Variants in CSMD1 observed in about 807,000 individuals in gnomAD.
CSMD1 encodes the protein CUB and sushi domain-containing protein 1.
A neutral mutation model predicts 417.5 loss-of-function variants in CSMD1; 213 were observed. The ratio of observed to expected loss-of-function variants is 0.51; its 90% CI spans 0.46 to 0.57. The LOEUF (loss-of-function observed/expected upper bound fraction) is 0.57, where lower values mean the gene tolerates loss of function less well. Among genes scored for constraint, CSMD1 ranks in the 20% least tolerant of loss-of-function variants. CSMD1 has a pLI of 0.00. For missense variants in CSMD1, 6,923 were observed against 4,529.7 expected (o/e 1.53, Z -15.17); for synonymous variants, 2,862 against 1,736.8 (o/e 1.65, Z -16.11).
chr8:4,226,350 T>G (rs576091147), intron 3 of CSMD1, among the ~76,000 whole-genome samples: 34 of 152,340 alleles, frequency 2.2e-4, no homozygotes, highest in African/African-American at 8.2e-4. Context: ...AAAAATGTAT[T>G]TATCTGACAT....
chr8:3,859,352 T>G (rs1391463525), intron 5 of CSMD1, among the ~76,000 whole-genome samples: 1 of 152,216 alleles, frequency 6.6e-6, no homozygotes, highest in Non-Finnish European at 1.5e-5. Context: ...CTCCATAATA[T>G]TTTAGGTCCA....
At chr8:4,378,334 G>C (rs1802884885) in intron 3 of CSMD1, among the ~76,000 whole-genome samples, 1 of 152,158 alleles carries the variant, frequency 6.6e-6, no homozygotes, top group African/African-American at 2.4e-5. Flanking sequence ...TTTGAACTTT[G>C]ACATTTAATG....
intron 5 of CSMD1, among the ~76,000 whole-genome samples, chr8:3,979,216 T>C (rs12677260): frequency 0.33 from 50,267 of 152,066 alleles, 9,189 homozygotes; most frequent in African/African-American, 0.48. Flanking sequence ...CTCAATAATG[T>C]ATAGGAAGTT....
chr8:4,054,452 A>G (rs760337974), intron 3 of CSMD1, among the ~76,000 whole-genome samples: 1 of 152,016 alleles, frequency 6.6e-6, no homozygotes, highest in African/African-American at 2.4e-5. Flanking sequence ...AGAGAAGCAA[A>G]CTTCTTCTTA....
intron 5 of CSMD1, among the ~76,000 whole-genome samples, chr8:3,785,953 G>C (rs779644075): frequency 3.9e-5 from 6 of 152,194 alleles, no homozygotes; most frequent in Non-Finnish European, 8.8e-5. Context: ...CAGACAATTG[G>C]GTTAGAAGCT....
At chr8:4,212,311 C>G (rs1483258259) in intron 3 of CSMD1, among the ~76,000 whole-genome samples, 1 of 151,940 alleles carries the variant, frequency 6.6e-6, no homozygotes, top group Non-Finnish European at 1.5e-5. Context: ...ATACCTACCA[C>G]CCAAATATGT....
intron 39 of CSMD1, among the ~76,000 whole-genome samples, chr8:3,157,072 G>C (rs781244735): frequency 6.6e-6 from 1 of 151,634 alleles, no homozygotes; most frequent in Non-Finnish European, 1.5e-5. Flanking sequence ...TAGGTTTGGA[G>C]AAGCCGATCA....
Position 4,964,502 on chromosome 8 carries a change from C to CAAAA in CSMD1, c.85+29826_85+29829dup, listed in dbSNP as rs10622416. On this transcript the variant is annotated intron_variant, in intron 1 of 69. Coordinates refer to ENST00000635120, the MANE Select transcript of CSMD1 (RefSeq NM_033225.6). ...TCACAACACAGCAAGACCCTGTCTC[C>CAAAA]AAAAAAAAAAAAAAAAAAAAAAAGG... Among the ~76,000 whole-genome samples, 551 of 105,840 alleles carry CAAAA rather than the reference C, an allele frequency of 5.2e-3. 12 individuals carry two copies. Among genetic ancestry groups the CAAAA allele is most frequent in the African/African-American group, 0.02 (517 of 26,184 alleles). 69.4% of individuals were successfully genotyped at this position (105,840 alleles called of 152,430 possible).
chr8:3,641,681 C>A (rs1215276340), intron 7 of CSMD1, among the ~76,000 whole-genome samples: 1 of 152,174 alleles, frequency 6.6e-6, no homozygotes, highest in Admixed American at 6.5e-5. Context: ...TTTGCCCCAA[C>A]AGAGGGGGCC....
chr8:4,426,334 T>C (rs1051957752), intron 2 of CSMD1, among the ~76,000 whole-genome samples: 21 of 150,854 alleles, frequency 1.4e-4, no homozygotes, highest in African/African-American at 4.8e-4. Context: ...AATTATGTAG[T>C]ATATAGCATA....
intron 3 of CSMD1, among the ~76,000 whole-genome samples, chr8:4,152,337 A>C (rs1185450930): frequency 6.6e-6 from 1 of 152,136 alleles, no homozygotes; most frequent in Non-Finnish European, 1.5e-5. Context: ...ATTTACAGAA[A>C]TCAGGTAGAC....
At chr8:3,390,386 T>C (rs1039815070) in intron 17 of CSMD1, among the ~76,000 whole-genome samples, 13 of 150,284 alleles carry the variant, frequency 8.7e-5, no homozygotes, top group African/African-American at 1.5e-4. Flanking sequence ...AAAAGGAATT[T>C]TGTAGCAGGT....
intron 11 of CSMD1, among the ~76,000 whole-genome samples, chr8:3,472,477 T>C (rs1817162667): frequency 6.6e-6 from 1 of 152,150 alleles, no homozygotes; most frequent in South Asian, 2.1e-4. Flanking sequence ...ACTACCAATC[T>C]GTCCCATCTC....
At position 4,948,501 on chromosome 8, in the gene CSMD1, C is replaced by G. The variant is rs1808517732; in HGVS notation, c.85+45831G>C. 2.0e-5 allele frequency among the ~76,000 whole-genome samples: 3 copies of G among 152,026 alleles called. No homozygotes were observed. In the South Asian group the frequency reaches 6.2e-4, roughly 32 times the overall value. The stretch of plus-strand genomic sequence containing the variant: ...TGCATTTATTTAGATTGCATAATGA[C>G]CTTCATTAAAGTTTCATAATCTTGT... On this transcript the variant is annotated intron_variant, in intron 1 of 69. Transcript: ENST00000635120.
At chr8:3,451,667 T>G (rs1240485305) in intron 12 of CSMD1, among the ~76,000 whole-genome samples, 1 of 152,178 alleles carries the variant, frequency 6.6e-6, no homozygotes, top group African/African-American at 2.4e-5. Flanking sequence ...TCTGTTCCAT[T>G]GGTCTATATC....
At chr8:3,409,893 C>A (rs1422680679) in intron 12 of CSMD1, among the ~76,000 whole-genome samples, 1 of 152,216 alleles carries the variant, frequency 6.6e-6, no homozygotes, top group Non-Finnish European at 1.5e-5. Flanking sequence ...GGTGCATCTT[C>A]TGGATACCTC....
At chr8:4,271,505 A>G (rs1396236187) in intron 3 of CSMD1, among the ~76,000 whole-genome samples, 1 of 152,134 alleles carries the variant, frequency 6.6e-6, no homozygotes, top group African/African-American at 2.4e-5. Flanking sequence ...CTGCATCAAA[A>G]TCAGGAGATC....
At chr8:4,156,077 G>T (rs1319948901) in intron 3 of CSMD1, among the ~76,000 whole-genome samples, 1 of 152,088 alleles carries the variant, frequency 6.6e-6, no homozygotes, top group Non-Finnish European at 1.5e-5. Context: ...ATTGGAATAG[G>T]GCTGGCTGGA....
At chr8:4,715,847 C>G (rs975205165) in intron 1 of CSMD1, among the ~76,000 whole-genome samples, 1 of 152,188 alleles carries the variant, frequency 6.6e-6, no homozygotes, top group Non-Finnish European at 1.5e-5. Flanking sequence ...GTGGACTTTG[C>G]TTGGATTACG....
Sources: allele counts gnomAD v4.1 joint callset (sites outside exome capture counted in the v4.1 genomes callset), GRCh38; gene constraint gnomAD v4.1.1; transcripts MANE v1.5; gene names NCBI Gene and HGNC (gene_info 2026-07-23, HGNC 2026-07-21).